The following AP1G1 variants were observed in gnomAD, a reference collection of about 807,000 sequenced individuals.
AP1G1 encodes adaptor related protein complex 1 subunit gamma 1.
A neutral mutation model predicts 108.3 loss-of-function variants in AP1G1; 7 were observed. The ratio of observed to expected loss-of-function variants is 0.06; its 90% CI spans 0.04 to 0.12. The LOEUF is 0.12. Among genes scored for constraint, AP1G1 ranks in the 10% least tolerant of loss-of-function variants. AP1G1 has a pLI of 1.00. For synonymous variants in AP1G1, 379 were observed against 353.5 expected (o/e 1.07, Z -0.81); for missense variants, 756 against 1,010.7 (o/e 0.75, Z 3.42).
At chr16:71,768,978 C>CAAAAAAAAAAAAAAAAAA (rs59451625) in intron 6 of AP1G1, among the ~76,000 whole-genome samples, 1 of 65,018 alleles carries the variant, frequency 1.5e-5, no homozygotes, top group Non-Finnish European at 2.6e-5. Flanking sequence ...AAAAAAAATA[C>CAAAAAAAAAAAAAAAAAA]AAAAAAAAAA....
Position 71,753,901 on chromosome 16 carries a change from T to C in AP1G1, c.1230-14A>G, listed in dbSNP as rs1484596843. On this transcript the variant is annotated splice_polypyrimidine_tract_variant and intron_variant, in intron 12 of 22. Transcript: ENST00000299980. ...GAAGGTGCATACCTGAAAAAAACAA[T>C]GGAAAGGGACACTTGGAACCAGTAA... is the stretch of plus-strand genomic sequence containing the variant. 3 of 1,612,758 alleles carry C rather than the reference T, an allele frequency of 1.9e-6. No individual in the cohort carries two copies. The highest frequency in any genetic ancestry group is 3.3e-5 in the Admixed American group (2 of 59,888).
chr16:71,737,908 T>C (rs2045569781), intron 21 of AP1G1, among the ~76,000 whole-genome samples: 1 of 152,276 alleles, frequency 6.6e-6, no homozygotes, highest in South Asian at 2.1e-4. Context: ...TTCATTTACA[T>C]GTCATCTACA....
intron 11 of AP1G1, among the ~76,000 whole-genome samples, chr16:71,757,619 A>G (rs2145452650): frequency 6.6e-6 from 1 of 152,224 alleles, no homozygotes; most frequent in Non-Finnish European, 1.5e-5. Context: ...TTCTATCTGT[A>G]TTTTACTTAT....
At chr16:71,765,740 T>C in intron 6 of AP1G1, 156 bp from the exon 7 acceptor site, 2 of 605,442 alleles carry the variant, frequency 3.3e-6, no homozygotes, top group Non-Finnish European at 6.0e-6. Context: ...TTGATAAACT[T>C]AGGAGTAACT....
intron 13 of AP1G1, 81 bp from the exon 14 acceptor site, chr16:71,750,413 GTT>G (rs2030422605): frequency 1.2e-5 from 18 of 1,538,912 alleles, no homozygotes; most frequent in Non-Finnish European, 1.6e-5. Context: ...ATTACTGTGT[GTT>G]TTTTCCTTTC....
At chr16:71,787,461 C>T (rs766265886) in intron 2 of AP1G1, among the ~76,000 whole-genome samples, 4 of 152,056 alleles carry the variant, frequency 2.6e-5, no homozygotes, top group African/African-American at 9.7e-5. Context: ...ACAGCATGGG[C>T]CATAGAGCAA....
At chr16:71,774,047 G>A (rs559125588) in intron 3 of AP1G1, among the ~76,000 whole-genome samples, 38 of 149,466 alleles carry the variant, frequency 2.5e-4, no homozygotes, top group African/African-American at 8.4e-4. Context: ...GGGCAACAGA[G>A]CGAGACTCCG....
At chr16:71,792,123 T>G (rs904439322) in intron 1 of AP1G1, among the ~76,000 whole-genome samples, 1 of 152,082 alleles carries the variant, frequency 6.6e-6, no homozygotes, top group Admixed American at 6.6e-5. Context: ...TGAAGTCATT[T>G]TCGGAGTCAA....
At chr16:71,744,037 G>A (rs903918243) in intron 19 of AP1G1, among the ~76,000 whole-genome samples, 1 of 151,790 alleles carries the variant, frequency 6.6e-6, no homozygotes, top group Admixed American at 6.6e-5. Context: ...GAGGTCAGGA[G>A]TTCAGGACCA....
intron 1 of AP1G1, chr16:71,808,033 T>C (rs948838989): frequency 3.3e-6 from 4 of 1,201,180 alleles, no homozygotes; most frequent in African/African-American, 3.2e-5. Flanking sequence ...AGTGGTTCGA[T>C]GGATCTCCTA....
At chr16:71,808,096 G>A (rs2142297425) in intron 1 of AP1G1, 1 of 1,159,440 alleles carries the variant, frequency 8.6e-7, no homozygotes. Context: ...GACTCTTTCA[G>A]GCAATCAGGA....
At chr16:71,769,731 T>C in intron 5 of AP1G1, 32 bp from the exon 6 acceptor site, 2 of 1,556,612 alleles carry the variant, frequency 1.3e-6, no homozygotes, top group Non-Finnish European at 1.8e-6. Flanking sequence ...AAACTAAAAA[T>C]GAGGCCTATT....
In AP1G1 at chr16:71,774,552, T is replaced by C; in HGVS notation, c.242A>G (p.Asp81Gly). 1 of 1,597,182 alleles carries C rather than the reference T, an allele frequency of 6.3e-7. No homozygotes were observed. Among genetic ancestry groups the C allele is most frequent in the Non-Finnish European group, 8.5e-7 (1 of 1,175,594 alleles). ...LKLIASQKFT[D>G]KRIGYLGAML... is the part of the protein sequence containing the mutation. Reference sequence around the variant, plus strand: ...TGCCCCTAAATAGCCAATGCGTTTGTCTGTAAATTTTTGAGAGGCAATAAG... The same window carrying C: ...TGCCCCTAAATAGCCAATGCGTTTGCCTGTAAATTTTTGAGAGGCAATAAG... The change falls in exon 3 of 23, where the codon GAC becomes GGC. Residue 81 changes from aspartate (D) to glycine (G), a missense_variant. Coordinates refer to ENST00000299980, the MANE Select transcript of AP1G1 (RefSeq NM_001128.6).
chr16:71,781,076 C>G (rs2031997126), intron 2 of AP1G1, among the ~76,000 whole-genome samples: 1 of 152,138 alleles, frequency 6.6e-6, no homozygotes. Flanking sequence ...CCTTGGCCTC[C>G]CAAAGTGCTG....
chr16:71,749,969 T>C lies in AP1G1; in HGVS notation c.1422A>G (p.Gln474=). The C allele has an allele frequency of 6.2e-7, 1 of 1,613,098 alleles. No individual in the cohort carries two copies. Among genetic ancestry groups the C allele is most frequent in the Non-Finnish European group, 8.5e-7 (1 of 1,179,088 alleles). The change falls in exon 15 of 23, where the codon CAA becomes CAG. Residue 474 remains glutamine, a synonymous_variant. Transcript: ENST00000299980. ...ATTCACCTATACACCATGCAGCCAC[T>C]TGTACCAAAGGTTGCTGTGAAAAGA... is the stretch of plus-strand genomic sequence containing the variant. ...LGDYSQQPLV[Q]VAAWCIGEYG... is the part of the protein sequence containing the mutation.
At chr16:71,777,065 G>A (rs547298193) in intron 2 of AP1G1, among the ~76,000 whole-genome samples, 10 of 132,092 alleles carry the variant, frequency 7.6e-5, no homozygotes, top group South Asian at 2.5e-4. Context: ...AGCTGAGATC[G>A]CGCCACTGCA....
intron 1 of AP1G1, among the ~76,000 whole-genome samples, chr16:71,804,063 T>C (rs1036364007): frequency 4.6e-5 from 7 of 152,012 alleles, no homozygotes; most frequent in African/African-American, 1.4e-4. Flanking sequence ...ATTTTTTTTT[T>C]GGAGACAAGA....
chr16:71,767,438 G>C (rs895539223), intron 6 of AP1G1, among the ~76,000 whole-genome samples: 6 of 152,192 alleles, frequency 3.9e-5, no homozygotes, highest in African/African-American at 1.4e-4. Flanking sequence ...AAATCTCTAA[G>C]TGTGAACTGA....
chr16:71,779,255 C>G (rs1445869573), intron 2 of AP1G1, among the ~76,000 whole-genome samples: 2 of 151,478 alleles, frequency 1.3e-5, no homozygotes, highest in Non-Finnish European at 2.9e-5. Flanking sequence ...ACCGCCCCCA[C>G]CCCACCCCCG....
Sources: allele counts gnomAD v4.1 joint callset (sites outside exome capture counted in the v4.1 genomes callset), GRCh38; gene constraint gnomAD v4.1.1; transcripts MANE v1.5; gene names NCBI Gene and HGNC (gene_info 2026-07-23, HGNC 2026-07-21).